Variants in ATP11B observed in about 807,000 individuals in gnomAD.
ATP11B encodes the protein ATPase phospholipid transporting 11B (putative).
A neutral mutation model predicts 157.8 loss-of-function variants in ATP11B; 81 were observed. The observed-to-expected ratio is 0.51, with a 90% confidence interval of 0.43 to 0.62. The LOEUF is 0.62. Among genes scored for constraint, ATP11B ranks in the 20% least tolerant of loss-of-function variants. ATP11B has a pLI of 0.00. For missense variants in ATP11B, 1,165 were observed against 1,402.2 expected (o/e 0.83, Z 2.70); for synonymous variants, 451 against 469.4 (o/e 0.96, Z 0.51).
At chr3:182,870,577 T>G (rs548132871) in intron 17 of ATP11B, among the ~76,000 whole-genome samples, 1 of 152,356 alleles carries the variant, frequency 6.6e-6, no homozygotes, top group South Asian at 2.1e-4. Context: ...TAGAATGAAT[T>G]AATTCATATA....
At chr3:182,799,628 T>A (rs1304384416) in intron 1 of ATP11B, among the ~76,000 whole-genome samples, 1 of 152,230 alleles carries the variant, frequency 6.6e-6, no homozygotes, top group African/African-American at 2.4e-5. Flanking sequence ...TAGTTTTTAC[T>A]AGAAATGTGC....
At chr3:182,914,435 T>C in intron 29 of ATP11B, 1 of 985,644 alleles carries the variant, frequency 1.0e-6, no homozygotes. Context: ...ACTCTGTATG[T>C]ATATTTTCCA....
At chr3:182,896,803 A>T in intron 26 of ATP11B, 38 bp downstream of exon 26, 2 of 1,483,890 alleles carry the variant, frequency 1.3e-6, no homozygotes, top group Non-Finnish European at 1.9e-6. Context: ...CACATTTTGC[A>T]ACTGTTTACA....
chr3:182,879,501 C>G lies in ATP11B; in HGVS notation c.2258C>G (p.Thr753Arg), dbSNP rs750017292. The G allele has an allele frequency of 3.1e-6, 5 of 1,598,562 alleles. No homozygotes were observed. The highest frequency in any genetic ancestry group is 4.3e-6 in the Non-Finnish European group (5 of 1,175,456). ...EQLRQLARRI[T>R]EDHVIQHGLV... ...ATAATTATTTTCTCTTTTAGAATTA[C>G]AGAGGATCATGTGATTCAGCATGGG... Residue 753 changes from threonine (T) to arginine (R), a missense_variant, in exon 20 of 30, where the codon ACA (threonine) becomes AGA (arginine). Around this residue, in one of 4 missense-constraint regions of ATP11B, gnomAD observed 737 missense variants for 930.5 expected, o/e 0.79. Coordinates refer to ENST00000323116, the MANE Select transcript of ATP11B (RefSeq NM_014616.3).
chr3:182,914,462 T>G, intron 29 of ATP11B: 1 of 985,498 alleles, frequency 1.0e-6, no homozygotes, highest in African/African-American at 1.7e-5. Flanking sequence ...TATTTGAGGC[T>G]TTGAGGTATT....
intron 25 of ATP11B, among the ~76,000 whole-genome samples, chr3:182,892,511 G>A (rs1723243885): frequency 6.6e-6 from 1 of 152,176 alleles, no homozygotes; most frequent in African/African-American, 2.4e-5. Context: ...AGGAGCAGGA[G>A]GAAGACTTGT....
intron 1 of ATP11B, among the ~76,000 whole-genome samples, chr3:182,811,424 A>G (rs1490312198): frequency 6.6e-6 from 1 of 152,150 alleles, no homozygotes; most frequent in Non-Finnish European, 1.5e-5. Context: ...TCCATTACAG[A>G]ATGTCTAATA....
chr3:182,859,510 C>G, intron 12 of ATP11B, 151 bp downstream of exon 12: 2 of 540,112 alleles, frequency 3.7e-6, no homozygotes, highest in Non-Finnish European at 6.2e-6. Flanking sequence ...TTTTTAAACC[C>G]TAAGTTGTTT....
intron 23 of ATP11B, 54 bp downstream of exon 23, chr3:182,886,064 T>TA (rs1722774821): frequency 8.3e-7 from 1 of 1,204,820 alleles, no homozygotes; most frequent in Non-Finnish European, 1.1e-6. Flanking sequence ...GTAACGTATG[T>TA]ATGTTCAGAT....
chr3:182,851,199 G>C (rs1205106194), intron 10 of ATP11B, among the ~76,000 whole-genome samples: 1 of 152,162 alleles, frequency 6.6e-6, no homozygotes, highest in Non-Finnish European at 1.5e-5. Flanking sequence ...GGCTGAAGCA[G>C]AGAATTGCTT....
chr3:182,820,295 C>T lies in ATP11B; in HGVS notation c.63C>T (p.Thr21=). The change falls in exon 2 of 30, where the codon ACC becomes ACT. Residue 21 remains threonine (T), a synonymous_variant. Transcript: ENST00000323116. The stretch of plus-strand genomic sequence containing the variant: ...CACCACATCAGAGTGACACAAGAAC[C>T]ATCTACGTAGCCAACAGGTTTCCTC... ...FDPPHQSDTR[T]IYVANRFPQN... 6.2e-7 allele frequency: 1 copy of T among 1,614,080 alleles called. No individual in the cohort carries two copies. The highest frequency in any genetic ancestry group is 8.5e-7 in the Non-Finnish European group (1 of 1,179,958).
Position 182,896,568 on chromosome 3 carries a change from G to A in ATP11B, c.2983-132G>A, listed in dbSNP as rs572533786. The stretch of plus-strand genomic sequence containing the variant: ...TCTTCTCATACTTTTAACTTTATGA[G>A]TATAGTCACCAGTTTCAAATGTACC... On this transcript the variant is annotated intron_variant, in intron 25 of 29. Coordinates refer to ENST00000323116, the MANE Select transcript of ATP11B (RefSeq NM_014616.3). 357 of 704,018 alleles carry A rather than the reference G, an allele frequency of 5.1e-4. 2 individuals are homozygous for A. The African/African-American group carries it at 6.0e-3, about 12-fold the overall frequency. 43.6% of individuals were successfully genotyped at this position (704,018 alleles called of 1,614,324 possible). A position where few individuals can be genotyped will look rare whatever the true frequency, so the allele number is the denominator to read the frequency against.
chr3:182,839,604 A>ATTTATTTTAT (rs56137243), intron 7 of ATP11B, among the ~76,000 whole-genome samples: 4 of 149,004 alleles, frequency 2.7e-5, no homozygotes, highest in Non-Finnish European at 4.5e-5. Flanking sequence ...TTTTTTAAAT[A>ATTTATTTTAT]TTTATTTTAT....
intron 3 of ATP11B, among the ~76,000 whole-genome samples, chr3:182,828,901 A>G (rs1473022665): frequency 6.6e-6 from 1 of 152,138 alleles, no homozygotes; most frequent in Non-Finnish European, 1.5e-5. Flanking sequence ...TCAGTGTAGC[A>G]TCAAATATAT....
Position 182,898,607 on chromosome 3 carries a change from G to A in ATP11B, c.3153G>A (p.Trp1051Ter), listed in dbSNP as rs1166836597. The stretch of plus-strand genomic sequence containing the variant: ...TTAAGCACATTTTCTTTCTTTGCAG[G>A]CCATTTTTGGGCTCCCAGAATATGT... ...VFSLFYGGIL[W>*]PFLGSQNMYF... is the part of the protein sequence containing the mutation. The change falls in exon 28 of 30, where the codon TGG becomes TGA. Residue 1051 changes from tryptophan (W) to a stop codon, truncating the protein, a stop_gained and splice_region_variant. Coordinates refer to ENST00000323116, the MANE Select transcript of ATP11B (RefSeq NM_014616.3). LOFTEE classifies it high-confidence loss of function. 2 of 1,581,220 alleles carry A rather than the reference G, an allele frequency of 1.3e-6. No homozygotes were observed. The highest frequency in any genetic ancestry group is 1.8e-5 in the Admixed American group (1 of 55,184).
rs1432085334 is a variant in ATP11B, at chr3:182,873,966, C to G, written c.2203C>G (p.Gln735Glu). The G allele has an allele frequency of 6.2e-7, 1 of 1,614,012 alleles. No homozygotes were observed. The highest frequency in any genetic ancestry group is 2.2e-5 in the East Asian group (1 of 44,868). ...CATGAACATCCTTGAACTTATAAAC[C>G]AGAAATCAGACAGCGAGTGTGCTGA... is the stretch of plus-strand genomic sequence containing the variant. ...RTMNILELIN[Q>E]KSDSECAEQL... Residue 735 changes from glutamine to glutamate, a missense_variant, in exon 19 of 30, where the codon CAG (glutamine) becomes GAG (glutamate). Gln to Glu is a conservative substitution (Grantham distance 29). Transcript: ENST00000323116.
intron 8 of ATP11B, chr3:182,843,853 A>ACCATACATT (rs1480894255): frequency 6.6e-6 from 1 of 152,244 alleles, no homozygotes; most frequent in Admixed American, 6.5e-5. Context: ...CAGCAAAAAT[A>ACCATACATT]CCATACATTC....
rs973812154 is a variant in ATP11B at position 182,869,000 on chromosome 3, T to C, written c.1689-78T>C. Reference sequence around the variant, plus strand: ...TCAATTAGCCATTTTATCTTATATATGGATTATTTCCATATAGTCACTTAA... The same window carrying C: ...TCAATTAGCCATTTTATCTTATATACGGATTATTTCCATATAGTCACTTAA... On this transcript the variant is annotated intron_variant, in intron 15 of 29. Coordinates refer to ENST00000323116, the MANE Select transcript of ATP11B (RefSeq NM_014616.3). The C allele has an allele frequency of 9.1e-6, 8 of 874,504 alleles. No homozygotes were observed. In the African/African-American group the frequency reaches 1.4e-4, roughly 15 times the overall value. The allele number at this position is 874,504 out of a possible 1,614,324, so 54.2% of individuals were successfully genotyped here. A position where few individuals can be genotyped will look rare whatever the true frequency, so the allele number is the denominator to read the frequency against.
intron 28 of ATP11B, chr3:182,902,679 T>C (rs1724050060): frequency 4.4e-6 from 2 of 449,580 alleles, no homozygotes; most frequent in African/African-American, 4.1e-5. Flanking sequence ...TTTGTTAGCA[T>C]GGCCCTGTCT....
Sources: allele counts gnomAD v4.1 joint callset (sites outside exome capture counted in the v4.1 genomes callset), GRCh38; gene constraint gnomAD v4.1.1; regional missense constraint gnomAD v4.1.1; transcripts MANE v1.5; gene names NCBI Gene and HGNC (gene_info 2026-07-23, HGNC 2026-07-21).